CELF4: variants seen among roughly 807,000 people sequenced by gnomAD.
CELF4 encodes the protein CUGBP Elav-like family member 4, also known as CUG-BP- and ETR-3-like factor 4.
A neutral mutation model predicts 59.9 loss-of-function variants in CELF4; 18 were observed. That is an observed-to-expected ratio of 0.30 (90% CI 0.21 to 0.45). The LOEUF is 0.45. CELF4 is among the 20% of genes least tolerant of loss of function. The probability of loss-of-function intolerance (pLI) is 1.00; values close to 1 mark genes in which losing one functional copy is unlikely to be tolerated. For synonymous variants in CELF4, 261 were observed against 267.1 expected, an observed-to-expected ratio of 0.98 and a Z score of 0.22; for missense variants, 456 against 689.0, an observed-to-expected ratio of 0.66 and a Z score of 3.79.
intron 2 of CELF4, among the ~76,000 whole-genome samples, chr18:37,414,196 ATCTATCTATCTATCTAT>A (rs2099503055): frequency 1.6e-4 from 1 of 6,282 alleles, no homozygotes; most frequent in Non-Finnish European, 4.6e-4. Context: ...TCATTCATCT[ATCTATCTATCTATCTAT>A]CTATCTATCT....
chr18:37,523,570 T>C (rs2099960109), intron 1 of CELF4, among the ~76,000 whole-genome samples: 1 of 152,176 alleles, frequency 6.6e-6, no homozygotes, highest in South Asian at 2.1e-4. Context: ...CTCGGGCCCA[T>C]GCTTGCCTCT....
intron 2 of CELF4, among the ~76,000 whole-genome samples, chr18:37,455,314 G>A (rs970940570): frequency 1.3e-5 from 2 of 152,186 alleles, no homozygotes; most frequent in Non-Finnish European, 2.9e-5. Context: ...TTCTTCCTTT[G>A]TCTTCAGGCT....
At chr18:37,480,285 G>C (rs930398178) in intron 2 of CELF4, among the ~76,000 whole-genome samples, 7 of 152,174 alleles carry the variant, frequency 4.6e-5, no homozygotes, top group Non-Finnish European at 1.0e-4. Context: ...ATGGGACCCA[G>C]ACTCACTGTT....
Position 37,259,236 on chromosome 18 carries a change from G to A in CELF4, c.1278C>T (p.Tyr426=), listed in dbSNP as rs755048775. The change falls in exon 11 of 13, where the codon TAC becomes TAT. Residue 426 remains tyrosine, a synonymous_variant. Transcript: ENST00000420428. ...CGTCCCCAAACTCCTGGGGCAGATG[G>A]TAGATGAACAGGTTACAGCCCTCGG... ...EGPEGCNLFI[Y]HLPQEFGDAE... 1.5e-6 allele frequency: 2 copies of A among 1,374,608 alleles called. No individual in the cohort carries two copies. The highest frequency in any genetic ancestry group is 2.3e-5 in the South Asian group (2 of 88,080). The allele number at this position is 1,374,608 out of a possible 1,614,324, so 85.2% of individuals were successfully genotyped here.
intron 8 of CELF4, among the ~76,000 whole-genome samples, chr18:37,269,553 T>C (rs1300089467): frequency 4.6e-5 from 7 of 152,202 alleles, no homozygotes; most frequent in Non-Finnish European, 1.0e-4. Flanking sequence ...CCAATTCACC[T>C]TGGGCTGGCC....
At chr18:37,352,395 C>A (rs1403692153) in intron 2 of CELF4, among the ~76,000 whole-genome samples, 1 of 152,122 alleles carries the variant, frequency 6.6e-6, no homozygotes, top group African/African-American at 2.4e-5. Flanking sequence ...GTAATCTCGA[C>A]ACTTTGGGAG....
rs567579479 is a variant in CELF4 at position 37,482,142 on chromosome 18, T to C, written c.369+3383A>G. On this transcript the variant is annotated intron_variant, in intron 2 of 12. Coordinates refer to ENST00000420428, the MANE Select transcript of CELF4 (RefSeq NM_020180.4). ...TGTGTGGCTTCCATCCCCAACTTGG[T>C]GGTCAACTCCAAGCGGGGAGGTGGA... Among the ~76,000 whole-genome samples, 31 of 152,310 alleles carry C rather than the reference T, an allele frequency of 2.0e-4. No individual in the cohort carries two copies. In the South Asian group the frequency reaches 5.6e-3, roughly 27 times the overall value.
intron 2 of CELF4, among the ~76,000 whole-genome samples, chr18:37,338,876 G>C (rs565476154): frequency 6.6e-6 from 1 of 151,764 alleles, no homozygotes; most frequent in East Asian, 2.0e-4. Flanking sequence ...TGTGCCCCAG[G>C]GCCAGCTTGA....
chr18:37,564,972 G>C (rs879918050), intron 1 of CELF4, among the ~76,000 whole-genome samples: 6 of 152,026 alleles, frequency 3.9e-5, no homozygotes, highest in Non-Finnish European at 7.4e-5. Flanking sequence ...CTCGGTCCTC[G>C]GCCGGCCAGG....
At chr18:37,470,080 T>C (rs1468456751) in intron 2 of CELF4, among the ~76,000 whole-genome samples, 1 of 152,238 alleles carries the variant, frequency 6.6e-6, no homozygotes, top group Non-Finnish European at 1.5e-5. Flanking sequence ...TGTTAGATAC[T>C]GAATACTTAA....
At chr18:37,251,025 G>T (rs947401600) in intron 12 of CELF4, among the ~76,000 whole-genome samples, 1 of 152,092 alleles carries the variant, frequency 6.6e-6, no homozygotes, top group Non-Finnish European at 1.5e-5. Flanking sequence ...TGAGGGTAGG[G>T]TGGGGCTTCT....
chr18:37,469,821 A>C (rs1448809855), intron 2 of CELF4, among the ~76,000 whole-genome samples: 1 of 152,200 alleles, frequency 6.6e-6, no homozygotes, highest in Non-Finnish European at 1.5e-5. Flanking sequence ...AACAGGAGTT[A>C]GAAGAGTTTG....
chr18:37,292,457 G>T (rs2095400960), intron 3 of CELF4, among the ~76,000 whole-genome samples: 4 of 152,164 alleles, frequency 2.6e-5, no homozygotes, highest in African/African-American at 7.2e-5. Flanking sequence ...CCACAGAAGT[G>T]CCCACTCATT....
chr18:37,452,887 C>A (rs1390833855), intron 2 of CELF4, among the ~76,000 whole-genome samples: 3 of 152,188 alleles, frequency 2.0e-5, no homozygotes, highest in Non-Finnish European at 2.9e-5. Context: ...CCACTGCCCC[C>A]ACCCCTTCTT....
At chr18:37,390,828 C>T (rs138564774) in intron 2 of CELF4, among the ~76,000 whole-genome samples, 4,177 of 146,230 alleles carry the variant, frequency 0.029, 93 homozygotes, top group Non-Finnish European at 0.042. Flanking sequence ...TGCTGCTGGC[C>T]GGCACAGCAG....
At chr18:37,462,919 C>A (rs2027754) in intron 2 of CELF4, among the ~76,000 whole-genome samples, 1 of 151,872 alleles carries the variant, frequency 6.6e-6, no homozygotes, top group Admixed American at 6.5e-5. Flanking sequence ...AGATTGGGCA[C>A]CCTTGTTTTA....
intron 12 of CELF4, chr18:37,247,570 G>A (rs1311198119): frequency 1.3e-5 from 2 of 152,252 alleles, no homozygotes; most frequent in Non-Finnish European, 2.9e-5. Context: ...TAAGAGAACT[G>A]AAAAGAACTC....
intron 2 of CELF4, among the ~76,000 whole-genome samples, chr18:37,476,098 C>T (rs1236405255): frequency 2.0e-5 from 3 of 152,236 alleles, no homozygotes; most frequent in Admixed American, 6.5e-5. Flanking sequence ...ATTGTTTTGT[C>T]ATTAATAATA....
intron 1 of CELF4, among the ~76,000 whole-genome samples, chr18:37,550,334 GA>G (rs778287121): frequency 2.6e-5 from 4 of 152,162 alleles, no homozygotes; most frequent in Admixed American, 6.5e-5. Flanking sequence ...GACAATCAGG[GA>G]GAGATTAGAT....
Sources: allele counts gnomAD v4.1 joint callset (sites outside exome capture counted in the v4.1 genomes callset), GRCh38; gene constraint gnomAD v4.1.1; transcripts MANE v1.5; gene names NCBI Gene and HGNC (gene_info 2026-07-23, HGNC 2026-07-21).